ATP11C: variants seen among roughly 807,000 people sequenced by gnomAD.
ATP11C encodes the protein phospholipid-transporting ATPase IG.
A neutral mutation model predicts 97.4 loss-of-function variants in ATP11C; 36 were observed. That is an observed-to-expected ratio of 0.37 (90% confidence interval 0.28 to 0.49). The LOEUF (loss-of-function observed/expected upper bound fraction) is 0.49, where lower values mean the gene tolerates loss of function less well. ATP11C is among the 20% of genes least tolerant of loss of function. The pLI is 0.98. For missense variants in ATP11C, 730 were observed against 824.6 expected, an observed-to-expected ratio of 0.89 and a Z score of 1.40; for synonymous variants, 275 against 290.9, an observed-to-expected ratio of 0.95 and a Z score of 0.56.
At chrX:139,741,804 G>A (rs996612500) in intron 26 of ATP11C, among the ~76,000 whole-genome samples, 2 of 111,635 alleles carry the variant, frequency 1.8e-5, no homozygotes, top group African/African-American at 6.5e-5. Flanking sequence ...AAAAACAAAA[G>A]TATGGACTAT....
At chrX:139,931,964 G>A in intron 1 of ATP11C, 52 bp downstream of exon 1, 1 of 1,139,047 alleles carries the variant, frequency 8.8e-7, no homozygotes, top group Non-Finnish European at 1.2e-6. Context: ...CCGGCGAAGG[G>A]GCTGGCGAGC....
At chrX:139,922,244 A>G (rs1335309167) in intron 1 of ATP11C, among the ~76,000 whole-genome samples, 1 of 68,265 alleles carries the variant, frequency 1.5e-5, no homozygotes, top group Non-Finnish European at 2.5e-5. Flanking sequence ...ATATATATAT[A>G]TATATATATA....
At chrX:139,892,618 A>G (rs2084747554) in intron 1 of ATP11C, among the ~76,000 whole-genome samples, 1 of 112,023 alleles carries the variant, frequency 8.9e-6, no homozygotes, top group African/African-American at 3.2e-5. Context: ...TTCACAGGGG[A>G]TAAACAGAGT....
chrX:139,826,843 A>G lies in ATP11C; in HGVS notation c.28-20T>C. The G allele has an allele frequency of 8.4e-7, 1 of 1,194,629 alleles. No individual in the cohort carries two copies. The highest frequency in any genetic ancestry group is 1.8e-5 in the South Asian group (1 of 54,570). ...AGCACACTGACCAAGAGAAAAGGGA[A>G]AAAATTCAGTTTTTCATCACATTTG... On this transcript the variant is annotated intron_variant, in intron 1 of 29. Coordinates refer to ENST00000682941, the MANE Select transcript of ATP11C (RefSeq NM_001353812.2).
intron 18 of ATP11C, among the ~76,000 whole-genome samples, chrX:139,777,923 TGCAGTCA>T (rs1232594444): frequency 9.1e-6 from 1 of 109,714 alleles, no homozygotes; most frequent in Non-Finnish European, 1.9e-5. Flanking sequence ...GTAGCAGTGG[TGCAGTCA>T]TGGCTCACTG....
At chrX:139,808,411 T>C (rs1389519265) in intron 5 of ATP11C, among the ~76,000 whole-genome samples, 1 of 110,743 alleles carries the variant, frequency 9.0e-6, no homozygotes, top group Non-Finnish European at 1.9e-5. Flanking sequence ...ATAACTACGA[T>C]GAAAAAAATG....
chrX:139,775,714 T>C (rs2082334377), intron 18 of ATP11C, among the ~76,000 whole-genome samples: 1 of 112,594 alleles, frequency 8.9e-6, no homozygotes, highest in Non-Finnish European at 1.9e-5. Flanking sequence ...CCTCCTTACC[T>C]AGGGCAATGC....
intron 1 of ATP11C, among the ~76,000 whole-genome samples, chrX:139,846,681 A>AT (rs2083913487): frequency 9.0e-6 from 1 of 111,679 alleles, no homozygotes; most frequent in African/African-American, 3.3e-5. Flanking sequence ...ATCATAGATC[A>AT]TAAGTAAGGA....
intron 28 of ATP11C, among the ~76,000 whole-genome samples, chrX:139,737,547 C>G (rs1225016718): frequency 1.8e-5 from 2 of 111,339 alleles, no homozygotes; most frequent in Non-Finnish European, 3.8e-5. Flanking sequence ...AATCTGCAAA[C>G]AGCCCACAGG....
Position 139,730,765 on chromosome X carries a change from C to T in ATP11C, c.*3+886G>A, listed in dbSNP as rs781139026. ...TTTCCAAGCTGACAAGCTTGGAAGC[C>T]TTGTTCATTAATTACTCTAAATTCC... On this transcript the variant is annotated intron_variant, in intron 29 of 29. Coordinates refer to ENST00000682941, the MANE Select transcript of ATP11C (RefSeq NM_001353812.2). Among the ~76,000 whole-genome samples, 11 of 110,430 alleles carry T rather than the reference C, an allele frequency of 1.0e-4. No homozygotes were observed. The South Asian group carries it at 1.9e-3, about 19-fold the overall frequency.
chrX:139,879,248 C>A (rs768296064), intron 1 of ATP11C, among the ~76,000 whole-genome samples: 1 of 110,530 alleles, frequency 9.0e-6, no homozygotes, highest in Admixed American at 9.7e-5. Context: ...TTCACAATAG[C>A]CAAGATATGG....
At chrX:139,775,040 A>G (rs2148702176) in intron 18 of ATP11C, 87 bp from the exon 19 acceptor site, 1 of 945,265 alleles carries the variant, frequency 1.1e-6, no homozygotes, top group South Asian at 2.9e-5. Context: ...TATTTTTATA[A>G]TTCACAGCAA....
rs1359438139 is a variant in ATP11C at position 139,852,147 on chromosome X, G to GA, written c.28-25325dup. Among the ~76,000 whole-genome samples, 3 of 106,238 alleles carry GA rather than the reference G, an allele frequency of 2.8e-5. No homozygotes were observed. The East Asian group carries it at 8.8e-4, about 31-fold the overall frequency. The allele number at this position is 106,238 out of a possible 115,157, so 92.3% of individuals were successfully genotyped here. A position where few individuals can be genotyped will look rare whatever the true frequency, so the allele number is the denominator to read the frequency against. On this transcript the variant is annotated intron_variant, in intron 1 of 29. Coordinates refer to ENST00000682941, the MANE Select transcript of ATP11C (RefSeq NM_001353812.2). ...GTTATCATGCAAAAAAAAAGAAAAA[G>GA]AAAAAAGAAAAAAAACCCAACAACT...
chrX:139,774,689 C>T lies in ATP11C; in HGVS notation c.2216+1G>A. ...TATAAGAAACTGATGTACTTTCTTA[C>T]TTTTTAAAGCTTCTAGTACTTTTAG... On this transcript the variant is annotated splice_donor_variant, in intron 19 of 29. Coordinates refer to ENST00000682941, the MANE Select transcript of ATP11C (RefSeq NM_001353812.2). LOFTEE classifies it high-confidence loss of function. The T allele has an allele frequency of 8.3e-7, 1 of 1,201,150 alleles. No individual in the cohort carries two copies.
intron 1 of ATP11C, among the ~76,000 whole-genome samples, chrX:139,871,514 C>T (rs373579966): frequency 3.0e-5 from 3 of 99,055 alleles, no homozygotes; most frequent in Non-Finnish European, 6.0e-5. Flanking sequence ...TGGCCACCCC[C>T]GCTTTTTTTT....
chrX:139,756,399 T>C (rs998940699), intron 23 of ATP11C, among the ~76,000 whole-genome samples: 7 of 112,133 alleles, frequency 6.2e-5, no homozygotes, highest in African/African-American at 1.3e-4. Flanking sequence ...AGTTTAGCCA[T>C]TGTGGAGAGC....
At chrX:139,776,691 A>C (rs926080611) in intron 18 of ATP11C, among the ~76,000 whole-genome samples, 6 of 110,513 alleles carry the variant, frequency 5.4e-5, no homozygotes, top group Non-Finnish European at 1.1e-4. Context: ...GGGAGAACTG[A>C]CTCTTACTCT....
chrX:139,775,300 A>G (rs924547048), intron 18 of ATP11C, among the ~76,000 whole-genome samples: 1 of 112,296 alleles, frequency 8.9e-6, no homozygotes, highest in Admixed American at 9.4e-5. Context: ...AACCATACCA[A>G]TTAACATCAC....
At chrX:139,829,581 T>C (rs959169807) in intron 1 of ATP11C, among the ~76,000 whole-genome samples, 3 of 111,453 alleles carry the variant, frequency 2.7e-5, no homozygotes, top group Non-Finnish European at 5.6e-5. Flanking sequence ...CACCTCGTAA[T>C]GAATTGTAAT....
Sources: allele counts gnomAD v4.1 joint callset (sites outside exome capture counted in the v4.1 genomes callset), GRCh38; gene constraint gnomAD v4.1.1; transcripts MANE v1.5; gene names NCBI Gene and HGNC (gene_info 2026-07-23, HGNC 2026-07-21).